Variants in NKAIN2 observed in about 807,000 individuals in gnomAD.
The protein encoded by NKAIN2 is sodium/potassium-transporting ATPase subunit beta-1-interacting protein 2.
Under a neutral mutation model 32.6 loss-of-function variants are expected in NKAIN2, and 14 were observed. The observed-to-expected ratio is 0.43, with a 90% CI of 0.28 to 0.67. The LOEUF (loss-of-function observed/expected upper bound fraction) is 0.67, where lower values mean the gene tolerates loss of function less well. Among genes scored for constraint, NKAIN2 ranks in the 30% least tolerant of loss-of-function variants. The probability of loss-of-function intolerance (pLI) is 0.17; values close to 1 mark genes in which losing one functional copy is unlikely to be tolerated. For synonymous variants in NKAIN2, 80 were observed against 87.2 expected (o/e 0.92, Z 0.46); for missense variants, 198 against 258.3 (o/e 0.77, Z 1.60).
intron 3 of NKAIN2, among the ~76,000 whole-genome samples, chr6:124,406,013 GGTGT>G (rs59361002): frequency 3.4e-5 from 5 of 148,456 alleles, no homozygotes; most frequent in Admixed American, 6.7e-5. Flanking sequence ...TTACCACCAC[GGTGT>G]GTGTGTGTGT....
chr6:124,028,875 G>C (rs62435608), intron 1 of NKAIN2, among the ~76,000 whole-genome samples: 2 of 37,182 alleles, frequency 5.4e-5, no homozygotes, highest in African/African-American at 1.5e-4. Flanking sequence ...ACACATATAT[G>C]TATATATATG....
chr6:124,404,068 A>G (rs1032910349), intron 3 of NKAIN2, among the ~76,000 whole-genome samples: 1 of 152,088 alleles, frequency 6.6e-6, no homozygotes, highest in African/African-American at 2.4e-5. Flanking sequence ...ATATTTTAAT[A>G]TATATGAGAT....
At chr6:124,544,841 A>G (rs116417902) in intron 3 of NKAIN2, among the ~76,000 whole-genome samples, 7,562 of 152,268 alleles carry the variant, frequency 0.05, 463 homozygotes, top group African/African-American at 0.14. Context: ...TTTTTAAAAA[A>G]TGCACTTTAA....
At chr6:124,422,152 T>C (rs985272172) in intron 3 of NKAIN2, among the ~76,000 whole-genome samples, 2 of 152,234 alleles carry the variant, frequency 1.3e-5, no homozygotes, top group South Asian at 4.1e-4. Flanking sequence ...TAATGTGATT[T>C]ATTTTTAATT....
At chr6:123,966,348 C>G (rs1022636274) in intron 1 of NKAIN2, among the ~76,000 whole-genome samples, 1 of 152,124 alleles carries the variant, frequency 6.6e-6, no homozygotes, top group Non-Finnish European at 1.5e-5. Context: ...TAATTCTAAT[C>G]ATGTCCTTCC....
chr6:124,065,238 AC>A (rs1464872491), intron 1 of NKAIN2, among the ~76,000 whole-genome samples: 2 of 151,976 alleles, frequency 1.3e-5, no homozygotes, highest in African/African-American at 4.8e-5. Flanking sequence ...ACACACACAC[AC>A]AACACTCAAC....
intron 2 of NKAIN2, among the ~76,000 whole-genome samples, chr6:124,314,940 A>G (rs1330888999): frequency 2.0e-5 from 3 of 152,216 alleles, no homozygotes; most frequent in African/African-American, 7.2e-5. Context: ...TAGTATCAAT[A>G]TTCAATTTAA....
At chr6:123,892,545 C>T (rs937272495) in intron 1 of NKAIN2, among the ~76,000 whole-genome samples, 11 of 151,928 alleles carry the variant, frequency 7.2e-5, no homozygotes, top group Admixed American at 1.3e-4. Flanking sequence ...TCCACCTAGT[C>T]CCAACCTTGA....
intron 3 of NKAIN2, among the ~76,000 whole-genome samples, chr6:124,496,248 A>C (rs995899857): frequency 6.6e-6 from 1 of 152,168 alleles, no homozygotes; most frequent in East Asian, 1.9e-4. Flanking sequence ...TCATTTCAAT[A>C]AAACTTTTAC....
intron 1 of NKAIN2, among the ~76,000 whole-genome samples, chr6:124,233,267 T>G (rs1245007378): frequency 3.3e-5 from 5 of 152,198 alleles, no homozygotes; most frequent in Non-Finnish European, 7.3e-5. Context: ...TGAATTTTAC[T>G]TCTTGATAAT....
intron 4 of NKAIN2, among the ~76,000 whole-genome samples, chr6:124,757,202 T>C (rs1337964078): frequency 1.3e-5 from 2 of 152,190 alleles, no homozygotes; most frequent in East Asian, 3.9e-4. Flanking sequence ...AATATGTATT[T>C]GAAACATCAT....
chr6:124,344,276 G>T (rs1371745191), intron 2 of NKAIN2, among the ~76,000 whole-genome samples: 2 of 152,198 alleles, frequency 1.3e-5, no homozygotes, highest in East Asian at 3.9e-4. Context: ...GATGCCTCCA[G>T]CTTTGTTCTT....
At chr6:124,694,885 A>G (rs566609491) in intron 4 of NKAIN2, among the ~76,000 whole-genome samples, 15 of 152,194 alleles carry the variant, frequency 9.9e-5, no homozygotes, top group Non-Finnish European at 2.1e-4. Flanking sequence ...TAATAAAAAT[A>G]TTTGGGTTTT....
intron 1 of NKAIN2, among the ~76,000 whole-genome samples, chr6:124,125,077 C>T (rs1786091903): frequency 6.6e-6 from 1 of 152,138 alleles, no homozygotes; most frequent in South Asian, 2.1e-4. Flanking sequence ...CTTGTTCTAC[C>T]TGCTGGGTTG....
chr6:124,060,402 C>G (rs1446780056), intron 1 of NKAIN2, among the ~76,000 whole-genome samples: 1 of 152,118 alleles, frequency 6.6e-6, no homozygotes, highest in East Asian at 1.9e-4. Flanking sequence ...ATACCACGTC[C>G]TCCACCCAGC....
chr6:124,469,826 C>T (rs1776903714), intron 3 of NKAIN2, among the ~76,000 whole-genome samples: 1 of 152,128 alleles, frequency 6.6e-6, no homozygotes, highest in African/African-American at 2.4e-5. Context: ...GTGGACCCTG[C>T]ACTGGCCTGG....
At chr6:124,123,218 A>G (rs565833098) in intron 1 of NKAIN2, among the ~76,000 whole-genome samples, 35 of 152,170 alleles carry the variant, frequency 2.3e-4, no homozygotes, top group Middle Eastern at 3.4e-3. Context: ...TGCTGTGCAA[A>G]TAATAGGTGC....
At chr6:123,989,020 A>G (rs1779295549) in intron 1 of NKAIN2, among the ~76,000 whole-genome samples, 1 of 151,994 alleles carries the variant, frequency 6.6e-6, no homozygotes, top group East Asian at 1.9e-4. Context: ...TTATTACTAT[A>G]CTTTTAGGAG....
At chr6:124,165,485 C>T (rs1467260044) in intron 1 of NKAIN2, among the ~76,000 whole-genome samples, 2 of 151,870 alleles carry the variant, frequency 1.3e-5, no homozygotes, top group Non-Finnish European at 2.9e-5. Flanking sequence ...TGTCCTCCAA[C>T]TCTAACAATC....
Sources: gnomAD v4.1 joint callset for allele counts (sites outside exome capture counted in the v4.1 genomes callset) on GRCh38, gnomAD v4.1.1 for gene constraint, MANE v1.5 for transcripts, NCBI Gene and HGNC (gene_info 2026-07-23, HGNC 2026-07-21) for gene names.